The following BTD variants were observed in gnomAD, a reference collection of about 807,000 sequenced individuals.
BTD encodes the protein biocytinase.
BTD carries 13 observed loss-of-function variants against 17.7 expected under a neutral mutation model. The observed-to-expected ratio is 0.74, with a 90% CI of 0.48 to 1.17. The LOEUF (loss-of-function observed/expected upper bound fraction) is 1.17. Among genes scored for constraint, BTD ranks in the 50% most tolerant of loss-of-function variants. BTD has a pLI of 0.00. For synonymous variants in BTD, 240 were observed against 245.2 expected (o/e 0.98, Z 0.20); for missense variants, 674 against 650.4 (o/e 1.04, Z -0.39).
intron 1 of BTD, among the ~76,000 whole-genome samples, chr3:15,633,153 T>A (rs1227303501): frequency 2.0e-5 from 3 of 152,360 alleles, no homozygotes; most frequent in East Asian, 3.9e-4. Context: ...CTGTATTTTT[T>A]AAATTGCTAT....
intron 1 of BTD, among the ~76,000 whole-genome samples, chr3:15,628,169 T>A (rs2065113176): frequency 1.3e-5 from 2 of 152,250 alleles, no homozygotes. Flanking sequence ...TAATGGGACT[T>A]GATGTAGTGA....
At chr3:15,667,055 A>G (rs2066013703) in intron 3 of BTD, among the ~76,000 whole-genome samples, 1 of 152,230 alleles carries the variant, frequency 6.6e-6, no homozygotes, top group Non-Finnish European at 1.5e-5. Flanking sequence ...AGTATACAGC[A>G]GGCAAGCAGT....
intron 3 of BTD, among the ~76,000 whole-genome samples, chr3:15,674,739 T>C (rs2125629830): frequency 6.6e-6 from 1 of 152,072 alleles, no homozygotes; most frequent in South Asian, 2.1e-4. Flanking sequence ...TAAAAGAAAT[T>C]AAGAAGGAAT....
intron 3 of BTD, among the ~76,000 whole-genome samples, chr3:15,709,480 G>A (rs1169015233): frequency 1.3e-5 from 2 of 152,148 alleles, no homozygotes; most frequent in African/African-American, 2.4e-5. Flanking sequence ...CTGTGGTAGG[G>A]ACTCAAGAAG....
chr3:15,631,395 C>T, intron 1 of BTD: 2 of 1,427,332 alleles, frequency 1.4e-6, no homozygotes, highest in Non-Finnish European at 9.5e-7. Flanking sequence ...ATTAAGAATG[C>T]CTTAATAATA....
At position 15,635,799 on chromosome 3, in the gene BTD, T is replaced by C. The variant is rs1214457249; in HGVS notation, c.249+111T>C. The C allele has an allele frequency of 6.7e-7, 1 of 1,498,512 alleles. No homozygotes were observed. 92.8% of individuals were successfully genotyped at this position (1,498,512 alleles called of 1,614,324 possible). ...CTTCCTACCACCCTCTGAAAAAGCA[T>C]CCAGGTAGTTAACCTGAGTTGAGTT... On this transcript the variant is annotated intron_variant, in intron 2 of 3. Transcript: ENST00000643237. The surrounding 1 kb of genome is among the most constrained non-coding windows in gnomAD (Gnocchi z 4.1).
At chr3:15,686,008 A>G (rs772036981) in intron 3 of BTD, 10 of 1,613,100 alleles carry the variant, frequency 6.2e-6, no homozygotes, top group Non-Finnish European at 8.5e-6. Context: ...TTACCCCTCT[A>G]TGCAACGCTG....
intron 3 of BTD, among the ~76,000 whole-genome samples, chr3:15,664,031 A>T (rs1011987384): frequency 1.3e-5 from 2 of 152,182 alleles, no homozygotes; most frequent in African/African-American, 4.8e-5. Flanking sequence ...CCTCCCAAGT[A>T]GCTGGAATTA....
downstream of BTD, among the ~76,000 whole-genome samples, chr3:15,658,355 G>A (rs2065891861): frequency 6.6e-6 from 1 of 152,196 alleles, no homozygotes; most frequent in Non-Finnish European, 1.5e-5. Flanking sequence ...TACCTGGTTA[G>A]TGAGAGAATA....
chr3:15,606,447 G>T (rs554272212), intron 1 of BTD: 2 of 152,308 alleles, frequency 1.3e-5, no homozygotes, highest in Admixed American at 6.5e-5. Context: ...ACAGGTTCAA[G>T]ACTGATTTGA....
At chr3:15,610,159 C>T (rs893449745) in intron 1 of BTD, among the ~76,000 whole-genome samples, 8 of 152,204 alleles carry the variant, frequency 5.3e-5, no homozygotes, top group Non-Finnish European at 4.4e-5. Flanking sequence ...CAACTGGGCT[C>T]ACCCATGTAT....
chr3:15,695,859 A>G (rs2125888143), intron 3 of BTD, among the ~76,000 whole-genome samples: 1 of 152,210 alleles, frequency 6.6e-6, no homozygotes, highest in Non-Finnish European at 1.5e-5. Flanking sequence ...CTTATGAGGA[A>G]TATTAATTTA....
At chr3:15,620,208 G>C (rs2064908906) in intron 1 of BTD, among the ~76,000 whole-genome samples, 1 of 152,170 alleles carries the variant, frequency 6.6e-6, no homozygotes, top group Non-Finnish European at 1.5e-5. Context: ...ATTTACCAGG[G>C]CTGAGTTTTC....
intron 3 of BTD, among the ~76,000 whole-genome samples, chr3:15,695,388 T>C (rs1299360100): frequency 1.3e-5 from 2 of 152,258 alleles, no homozygotes; most frequent in Non-Finnish European, 2.9e-5. Flanking sequence ...CAAATCTATA[T>C]ACATAGGTCT....
chr3:15,621,026 A>G (rs1031397480), intron 1 of BTD, among the ~76,000 whole-genome samples: 4 of 152,240 alleles, frequency 2.6e-5, no homozygotes, highest in African/African-American at 7.2e-5. Flanking sequence ...GAGTTCTAAC[A>G]CGCAAGGGCA....
chr3:15,628,439 T>C (rs1291096936), intron 1 of BTD, among the ~76,000 whole-genome samples: 1 of 152,222 alleles, frequency 6.6e-6, no homozygotes, highest in African/African-American at 2.4e-5. Flanking sequence ...CATCACATTT[T>C]CCATGCACTG....
Position 15,645,723 on chromosome 3 carries a change from T to C in BTD, c.*235T>C. 2 of 515,676 alleles carry C rather than the reference T, an allele frequency of 3.9e-6. No individual in the cohort carries two copies. Among genetic ancestry groups the C allele is most frequent in the African/African-American group, 1.9e-5 (1 of 52,524 alleles). The allele number at this position is 515,676 out of a possible 1,614,324, so 31.9% of individuals were successfully genotyped here. On this transcript the variant is annotated 3_prime_UTR_variant, in exon 4 of 4. Transcript: ENST00000643237. ...GGGGTATTTTCTGTTCACATTTATC[T>C]TTTTCAAGCCACATCTTCCTCTAAC...
chr3:15,668,891 T>C (rs940527484), intron 3 of BTD: 6 of 152,676 alleles, frequency 3.9e-5, no homozygotes, highest in African/African-American at 1.4e-4. Context: ...TTGCAATTTA[T>C]AGAACTTTAC....
chr3:15,685,466 G>A (rs1342873143), intron 3 of BTD: 2 of 1,610,650 alleles, frequency 1.2e-6, no homozygotes, highest in Admixed American at 1.7e-5. Flanking sequence ...ATAATTTAAA[G>A]GTAGTCAAAC....
Sources: gnomAD v4.1 joint callset for allele counts (sites outside exome capture counted in the v4.1 genomes callset) on GRCh38, gnomAD v4.1.1 for gene constraint, Gnocchi (gnomAD v3.1) non-coding constraint, MANE v1.5 for transcripts, NCBI Gene and HGNC (gene_info 2026-07-23, HGNC 2026-07-21) for gene names.